Variants in FRY observed in about 807,000 individuals in gnomAD.
FRY encodes protein furry homolog.
FRY carries 128 observed loss-of-function variants against 348.4 expected under a neutral mutation model. That is an observed-to-expected ratio of 0.37 (90% CI 0.32 to 0.43). The LOEUF (loss-of-function observed/expected upper bound fraction) is 0.43. Ranked by LOEUF, FRY falls within the 20% of genes least tolerant of loss-of-function variation. The pLI, the probability that FRY is intolerant of heterozygous loss-of-function variation, is 1.00. For missense variants in FRY, 2,736 were observed against 3,695.2 expected (o/e 0.74, Z 6.73); for synonymous variants, 1,370 against 1,374.7 (o/e 1.00, Z 0.08).
At chr13:32,090,180 C>G (rs994611940) in intron 2 of FRY, among the ~76,000 whole-genome samples, 1 of 151,338 alleles carries the variant, frequency 6.6e-6, no homozygotes, top group South Asian at 2.1e-4. Context: ...AACCCCGTCT[C>G]TACTAAAAAT....
At chr13:32,204,419 C>T (rs1278014770) in intron 31 of FRY, among the ~76,000 whole-genome samples, 1 of 152,234 alleles carries the variant, frequency 6.6e-6, no homozygotes, top group African/African-American at 2.4e-5. Context: ...ATCTGTCTTC[C>T]TCCAAAGCCA....
Position 32,239,165 on chromosome 13 carries a change from G to T in FRY, c.6419-87G>T. On this transcript the variant is annotated intron_variant, in intron 44 of 60. Transcript: ENST00000542859. This position sits in a 1 kb window ranked among gnomAD's most constrained non-coding sequence, Gnocchi z 4.3. ...AAAAAACTGCTTTTGCATCACCTCA[G>T]TATAAAAATCTGTAACATGCCTTCC... 1.2e-6 allele frequency: 1 copy of T among 857,964 alleles called. No individual in the cohort carries two copies. The allele number at this position is 857,964 out of a possible 1,614,324, so 53.1% of individuals were successfully genotyped here.
Position 32,298,399 on chromosome 13 carries a change from T to C in FRY, c.*2939T>C, listed in dbSNP as rs1421516331. On this transcript the variant is annotated 3_prime_UTR_variant, in exon 61 of 61. Coordinates refer to ENST00000542859, the MANE Select transcript of FRY (RefSeq NM_023037.3). ...TTTTTAAAGTTTTCAATGCATTTGT[T>C]TGAGATCAATTAATATTTGGATACC... The C allele has an allele frequency of 2.6e-5, 4 of 152,370 alleles. No individual in the cohort carries two copies. In the East Asian group the frequency reaches 5.8e-4, roughly 22 times the overall value. The allele number at this position is 152,370 out of a possible 1,614,324, so 9.4% of individuals were successfully genotyped here. A position where few individuals can be genotyped will look rare whatever the true frequency, so the allele number is the denominator to read the frequency against.
At chr13:32,182,006 A>T (rs17635028) in intron 23 of FRY, among the ~76,000 whole-genome samples, 7,442 of 152,268 alleles carry the variant, frequency 0.049, 210 homozygotes, top group East Asian at 0.075. Context: ...GAAATCAGGA[A>T]TAGAACCCAG....
intron 1 of FRY, among the ~76,000 whole-genome samples, chr13:32,078,387 G>A (rs1875246369): frequency 6.6e-6 from 1 of 152,142 alleles, no homozygotes; most frequent in Non-Finnish European, 1.5e-5. Context: ...AATGACCCCA[G>A]AGTCCTTTCC....
At chr13:32,279,560 G>A (rs1162317203) in intron 58 of FRY, among the ~76,000 whole-genome samples, 1 of 152,214 alleles carries the variant, frequency 6.6e-6, no homozygotes, top group African/African-American at 2.4e-5. Flanking sequence ...GTCTACTGTG[G>A]AAACAGCTCA....
At chr13:32,250,585 C>T (rs1887023669) in intron 49 of FRY, among the ~76,000 whole-genome samples, 1 of 152,152 alleles carries the variant, frequency 6.6e-6, no homozygotes, top group Non-Finnish European at 1.5e-5. Context: ...TTTTGACATC[C>T]TTAGCAATTC....
At chr13:32,153,480 A>G (rs1161311596) in intron 14 of FRY, among the ~76,000 whole-genome samples, 4 of 152,216 alleles carry the variant, frequency 2.6e-5, no homozygotes, top group African/African-American at 7.2e-5. Flanking sequence ...CATACTTGAA[A>G]AGGTGGAATG....
chr13:32,139,157 T>A (rs1201445474), intron 11 of FRY, among the ~76,000 whole-genome samples: 1 of 152,194 alleles, frequency 6.6e-6, no homozygotes, highest in African/African-American at 2.4e-5. Flanking sequence ...GTTATTAATA[T>A]TCAGAAAACC....
rs374747150 is a variant in FRY, at chr13:32,237,813, G to A, written c.6245G>A (p.Arg2082Gln). The part of the protein sequence containing the change: ...AHMPLDKAEN[R>Q]EKLEKLQAQL... Reference sequence around the variant, plus strand: ...ATGCCACTCGATAAGGCTGAGAACCGAGAAAAGCTTGAGAAACTCCAGGCA... The same window carrying A: ...ATGCCACTCGATAAGGCTGAGAACCAAGAAAAGCTTGAGAAACTCCAGGCA... The change falls in exon 44 of 61, where the codon CGA becomes CAA. Residue 2082 changes from arginine to glutamine, a missense_variant. Physicochemically the swap from Arg to Gln is conservative, Grantham distance 43. Transcript: ENST00000542859. The surrounding 1 kb of genome is among the most constrained non-coding windows in gnomAD (Gnocchi z 6.3). 34 of 1,614,006 alleles carry A rather than the reference G, an allele frequency of 2.1e-5. No homozygotes were observed. Among genetic ancestry groups the A allele is most frequent in the African/African-American group, 4.0e-5 (3 of 74,902 alleles).
intron 53 of FRY, among the ~76,000 whole-genome samples, chr13:32,262,753 G>C (rs1192009993): frequency 6.6e-6 from 1 of 152,176 alleles, no homozygotes; most frequent in African/African-American, 2.4e-5. Flanking sequence ...CTGGTGGATG[G>C]CAAAACCAGT....
intron 31 of FRY, among the ~76,000 whole-genome samples, chr13:32,208,582 C>T (rs1045354515): frequency 2.6e-5 from 4 of 152,156 alleles, no homozygotes; most frequent in Non-Finnish European, 5.9e-5. Context: ...ATACATCTTC[C>T]GCTAGCAGTG....
At chr13:32,154,657 C>G (rs1478424509) in intron 14 of FRY, among the ~76,000 whole-genome samples, 2 of 152,188 alleles carry the variant, frequency 1.3e-5, no homozygotes, top group South Asian at 2.1e-4. Context: ...TACATTGTAA[C>G]TAAATTATTT....
chr13:32,294,710 GA>G (rs1889547522), intron 60 of FRY, 140 bp downstream of exon 60: 1 of 715,378 alleles, frequency 1.4e-6, no homozygotes, highest in African/African-American at 1.7e-5. Context: ...TGCCAAACCA[GA>G]AACACTCAGC....
At position 32,155,534 on chromosome 13, in the gene FRY, G is replaced by A. The variant is rs1338730667; in HGVS notation, c.1523G>A (p.Ser508Asn). ...CGGGCATTCTTGGTCATAGCTGATAGCTTGCAGCAGAAAGATGGGGAACCT... is the reference window on the plus strand; with the variant it reads ...CGGGCATTCTTGGTCATAGCTGATAACTTGCAGCAGAAAGATGGGGAACCT... ...GLRAFLVIADSLQQKDGEPPM... is the reference protein window; with the variant it reads ...GLRAFLVIADNLQQKDGEPPM... The change falls in exon 15 of 61, where the codon AGC becomes AAC. Residue 508 changes from serine to asparagine, a missense_variant. By Grantham distance (46) the Ser-to-Asn change is conservative (BLOSUM62 1). Transcript: ENST00000542859. The A allele has an allele frequency of 1.2e-6, 2 of 1,613,434 alleles. No homozygotes were observed. Among genetic ancestry groups the A allele is most frequent in the Admixed American group, 1.7e-5 (1 of 59,998 alleles).
chr13:32,035,674 C>G (rs1176311662), intron 1 of FRY, among the ~76,000 whole-genome samples: 1 of 152,186 alleles, frequency 6.6e-6, no homozygotes, highest in African/African-American at 2.4e-5. Context: ...TGTTCAACAC[C>G]TTGCTCTTTC....
chr13:32,082,616 T>G (rs1875571763), intron 2 of FRY, among the ~76,000 whole-genome samples: 1 of 152,246 alleles, frequency 6.6e-6, no homozygotes, highest in Non-Finnish European at 1.5e-5. Flanking sequence ...AAAGTGAATC[T>G]TTTTCAGTTC....
intron 36 of FRY, among the ~76,000 whole-genome samples, chr13:32,221,728 G>A (rs1458353787): frequency 4.6e-5 from 7 of 152,162 alleles, no homozygotes; most frequent in African/African-American, 1.7e-4. Context: ...GGCCACACTG[G>A]TCTTGAACTC....
At chr13:32,244,217 C>A in intron 47 of FRY, 35 bp downstream of exon 47, 2 of 1,598,536 alleles carry the variant, frequency 1.3e-6, no homozygotes, top group South Asian at 1.1e-5. Flanking sequence ...AGCAACCAGT[C>A]GTTCTAAAAA....
Sources: allele counts gnomAD v4.1 joint callset (sites outside exome capture counted in the v4.1 genomes callset), GRCh38; gene constraint gnomAD v4.1.1; non-coding constraint Gnocchi (gnomAD v3.1); transcripts MANE v1.5; gene names NCBI Gene and HGNC (gene_info 2026-07-23, HGNC 2026-07-21).